The following CALN1 variants were observed in gnomAD, a reference collection of about 807,000 sequenced individuals.
The protein encoded by CALN1 is calcium-binding protein 8.
A neutral mutation model predicts 30.6 loss-of-function variants in CALN1; 17 were observed. The observed-to-expected ratio is 0.56, with a 90% confidence interval of 0.38 to 0.83. The LOEUF (loss-of-function observed/expected upper bound fraction) is 0.83, where lower values mean the gene tolerates loss of function less well. Ranked by LOEUF, CALN1 falls within the 40% of genes least tolerant of loss-of-function variation. The probability of loss-of-function intolerance (pLI) is 0.00; values close to 1 mark genes in which losing one functional copy is unlikely to be tolerated. For synonymous variants in CALN1, 156 were observed against 131.4 expected (o/e 1.19, Z -1.28); for missense variants, 291 against 354.9 (o/e 0.82, Z 1.45).
upstream of CALN1, among the ~76,000 whole-genome samples, chr7:72,448,074 G>A (rs1270887924): frequency 6.6e-6 from 1 of 150,908 alleles, no homozygotes; most frequent in Non-Finnish European, 1.5e-5. Flanking sequence ...ACACATGCCT[G>A]ACATACCACA....
chr7:72,054,440 T>TAC (rs1554425429), intron 4 of CALN1, among the ~76,000 whole-genome samples: 47 of 77,806 alleles, frequency 6.0e-4, no homozygotes, highest in African/African-American at 1.9e-3. Flanking sequence ...CACGTATATA[T>TAC]ATATATACAT....
the CALN1 span, among the ~76,000 whole-genome samples, chr7:72,479,373 T>C: frequency 6.6e-6 from 1 of 152,184 alleles, no homozygotes; most frequent in Admixed American, 6.5e-5. Context: ...CAGTATCCTA[T>C]AGACAGATGA....
chr7:72,038,637 G>A (rs529633152), intron 4 of CALN1, among the ~76,000 whole-genome samples: 23 of 152,170 alleles, frequency 1.5e-4, no homozygotes, highest in East Asian at 9.7e-4. Flanking sequence ...ATAGGAGGTC[G>A]GCACAAGATA....
the CALN1 span, among the ~76,000 whole-genome samples, chr7:72,498,842 T>C: frequency 6.6e-6 from 1 of 152,086 alleles, no homozygotes; most frequent in Non-Finnish European, 1.5e-5. Context: ...ATTTAGGTAC[T>C]TTTTTTAATG....
At chr7:72,369,357 T>TATTTTTTGTTG (rs376563382) in intron 2 of CALN1, among the ~76,000 whole-genome samples, 3 of 127,096 alleles carry the variant, frequency 2.4e-5, no homozygotes, top group East Asian at 4.2e-4. Flanking sequence ...AATATTTATT[T>TATTTTTTGTTG]TTTTGTTGTT....
rs1563063569 is a variant in CALN1, at chr7:72,106,689, C to CAAGGGAGGGAGGAAGG, written c.245-411_245-396dup. Among the ~76,000 whole-genome samples, 115 of 43,998 alleles carry CAAGGGAGGGAGGAAGG rather than the reference C, an allele frequency of 2.6e-3. 22 individuals carry two copies. Among genetic ancestry groups the CAAGGGAGGGAGGAAGG allele is most frequent in the African/African-American group, 0.01 (111 of 10,996 alleles). 28.9% of individuals were successfully genotyped at this position (43,998 alleles called of 152,430 possible). On this transcript the variant is annotated intron_variant, in intron 3 of 6. Coordinates refer to ENST00000395275, the MANE Select transcript of CALN1 (RefSeq NM_031468.4). ...GGGAGGGAGAAAGGAAGGAAGAAAG[C>CAAGGGAGGGAGGAAGG]AAGGGAGGGAGGAAGGGAGGGAGGG...
intron 3 of CALN1, among the ~76,000 whole-genome samples, chr7:72,120,280 T>G (rs1230471378): frequency 2.6e-5 from 4 of 152,214 alleles, no homozygotes; most frequent in Non-Finnish European, 4.4e-5. Context: ...GCAAATGTTC[T>G]TAATTCAACT....
At chr7:71,880,659 A>C (rs1342516687) in intron 5 of CALN1, among the ~76,000 whole-genome samples, 1 of 152,164 alleles carries the variant, frequency 6.6e-6, no homozygotes, top group Non-Finnish European at 1.5e-5. Flanking sequence ...TTTCAAACTT[A>C]AGTTCAAAAT....
the CALN1 span, among the ~76,000 whole-genome samples, chr7:72,501,948 T>TATATATATATACAC: frequency 4.0e-3 from 292 of 72,318 alleles, 13 homozygotes; most frequent in East Asian, 0.027. Context: ...TATATATATA[T>TATATATATATACAC]ACACACATAT....
intron 2 of CALN1, among the ~76,000 whole-genome samples, chr7:72,324,025 GTTTT>G (rs1801088872): frequency 6.6e-6 from 1 of 151,930 alleles, no homozygotes; most frequent in African/African-American, 2.4e-5. Context: ...GAGACTCTGG[GTTTT>G]TTGTTTTGTT....
intron 2 of CALN1, among the ~76,000 whole-genome samples, chr7:72,391,250 G>A (rs974286312): frequency 3.3e-5 from 5 of 152,218 alleles, no homozygotes; most frequent in Non-Finnish European, 5.9e-5. Context: ...TGAAGCTGCA[G>A]AGGGCTAAGA....
intron 2 of CALN1, among the ~76,000 whole-genome samples, chr7:72,335,353 A>C (rs1459720529): frequency 2.0e-5 from 3 of 152,222 alleles, no homozygotes; most frequent in East Asian, 1.9e-4. Flanking sequence ...TCAGTTAAAG[A>C]AGCAGAACCT....
chr7:72,059,659 G>C (rs1362522426), intron 4 of CALN1, among the ~76,000 whole-genome samples: 1 of 152,104 alleles, frequency 6.6e-6, no homozygotes, highest in African/African-American at 2.4e-5. Flanking sequence ...AAAGACTCAT[G>C]ACAGCTGATC....
intron 2 of CALN1, among the ~76,000 whole-genome samples, chr7:72,390,388 G>A (rs1156455562): frequency 2.6e-5 from 4 of 152,052 alleles, no homozygotes; most frequent in Non-Finnish European, 2.9e-5. Flanking sequence ...CCGAGATCAC[G>A]CCACTGCACT....
intron 2 of CALN1, among the ~76,000 whole-genome samples, chr7:72,338,438 GAAGTT>G (rs1197946113): frequency 1.4e-5 from 2 of 146,688 alleles, no homozygotes; most frequent in Non-Finnish European, 3.0e-5. Context: ...AACTGCCAGG[GAAGTT>G]TGGGCGTTTT....
intron 2 of CALN1, among the ~76,000 whole-genome samples, chr7:72,388,573 C>T (rs1313076379): frequency 1.3e-5 from 2 of 152,188 alleles, no homozygotes; most frequent in African/African-American, 4.8e-5. Context: ...GATATGGGCA[C>T]TCTGTGCTAT....
chr7:72,071,686 G>C (rs190311603), intron 4 of CALN1, among the ~76,000 whole-genome samples: 91 of 152,304 alleles, frequency 6.0e-4, no homozygotes, highest in African/African-American at 2.0e-3. Flanking sequence ...TCCATTATTA[G>C]CTTCAAATGT....
chr7:72,175,319 C>T (rs182995631), intron 3 of CALN1, among the ~76,000 whole-genome samples: 1,915 of 152,112 alleles, frequency 0.013, 45 homozygotes, highest in African/African-American at 0.043. Flanking sequence ...ATGATCTGCC[C>T]GCCTCGGCCT....
At chr7:72,327,760 A>G (rs1002107998) in intron 2 of CALN1, among the ~76,000 whole-genome samples, 4 of 152,206 alleles carry the variant, frequency 2.6e-5, no homozygotes, top group African/African-American at 9.7e-5. Flanking sequence ...TAATTGCTCT[A>G]TTCTTCATAA....
Sources: allele counts gnomAD v4.1 joint callset (sites outside exome capture counted in the v4.1 genomes callset), GRCh38; gene constraint gnomAD v4.1.1; transcripts MANE v1.5; gene names NCBI Gene and HGNC (gene_info 2026-07-23, HGNC 2026-07-21).